The following POLQ variants were observed in gnomAD, a reference collection of about 807,000 sequenced individuals.
POLQ encodes epididymis secretory sperm binding protein.
Under a neutral mutation model 259.2 loss-of-function variants are expected in POLQ, and 233 were observed. That is an observed-to-expected ratio of 0.90 (90% CI 0.81 to 1.00). The LOEUF is 1.00. Among genes scored for constraint, POLQ ranks in the 50% least tolerant of loss-of-function variants. The pLI, the probability that POLQ is intolerant of heterozygous loss-of-function variation, is 0.00. For missense variants in POLQ, 2,871 were observed against 3,051.6 expected (o/e 0.94, Z 1.39); for synonymous variants, 1,025 against 1,048.8 (o/e 0.98, Z 0.44).
intron 7 of POLQ, among the ~76,000 whole-genome samples, chr3:121,523,917 T>C (rs1322046770): frequency 3.9e-5 from 6 of 152,126 alleles, no homozygotes; most frequent in Admixed American, 3.9e-4. Context: ...CTGAGGGCAA[T>C]TAATTTTTTA....
chr3:121,475,843 T>C (rs2047920806), intron 20 of POLQ, among the ~76,000 whole-genome samples: 1 of 152,196 alleles, frequency 6.6e-6, no homozygotes, highest in South Asian at 2.1e-4. Context: ...CCAAACCTAC[T>C]TGTGCTGAAA....
chr3:121,487,844 G>GA lies in POLQ; in HGVS notation c.5086dup (p.Ser1696PhefsTer3), dbSNP rs762946766. Reference sequence around the variant, plus strand: ...CTTGCTTTTTACTTCATTATTAGAAGAAAATGAAATTCCCTGCACTTGTTT... The same window carrying GA: ...CTTGCTTTTTACTTCATTATTAGAAGAAAAATGAAATTCCCTGCACTTGTTT... On this transcript the variant is annotated frameshift_variant, in exon 16 of 30. Transcript: ENST00000264233. LOFTEE classifies it high-confidence loss of function. The GA allele has an allele frequency of 2.5e-6, 4 of 1,610,068 alleles. No homozygotes were observed. The highest frequency in any genetic ancestry group is 3.4e-6 in the Non-Finnish European group (4 of 1,178,756).
intron 25 of POLQ, among the ~76,000 whole-genome samples, chr3:121,450,822 T>C (rs553014523): frequency 1.3e-5 from 2 of 152,156 alleles, no homozygotes; most frequent in Non-Finnish European, 2.9e-5. Context: ...TTTCCTGAAT[T>C]TGAATGTTGG....
chr3:121,452,200 C>T (rs576617340), intron 25 of POLQ, among the ~76,000 whole-genome samples: 4 of 152,286 alleles, frequency 2.6e-5, no homozygotes, highest in Non-Finnish European at 4.4e-5. Flanking sequence ...CTTCCCTTGG[C>T]TAGGAAAGGG....
chr3:121,521,076 T>C (rs780071802), intron 8 of POLQ, among the ~76,000 whole-genome samples: 12 of 152,210 alleles, frequency 7.9e-5, no homozygotes, highest in Non-Finnish European at 1.6e-4. Flanking sequence ...ATTCTGTGTG[T>C]GTGTATATAG....
chr3:121,518,517 G>A (rs1378582902), intron 9 of POLQ, among the ~76,000 whole-genome samples: 1 of 152,076 alleles, frequency 6.6e-6, no homozygotes, highest in African/African-American at 2.4e-5. Context: ...AAGCCCCAGA[G>A]GTATTATTTC....
In POLQ at chr3:121,488,178, C is replaced by T. The variant is rs2108797733; in HGVS notation, c.4753G>A (p.Val1585Ile). 3 of 1,613,532 alleles carry T rather than the reference C, an allele frequency of 1.9e-6. No individual in the cohort carries two copies. The highest frequency in any genetic ancestry group is 1.3e-5 in the African/African-American group (1 of 75,058). ...AGTTCTAATGCTCTAGGAGATACTA[C>T]AGTATGATTCTTCTCTTGGACAGGA... ...IFPVQEKNHT[V>I]VSPRALELSD... Residue 1585 changes from valine to isoleucine, a missense_variant, in exon 16 of 30, where the codon GTA (valine) becomes ATA (isoleucine). Val to Ile is a conservative substitution (Grantham distance 29). Coordinates refer to ENST00000264233, the MANE Select transcript of POLQ (RefSeq NM_199420.4).
chr3:121,535,919 C>T (rs2048447047), intron 5 of POLQ, among the ~76,000 whole-genome samples: 4 of 151,858 alleles, frequency 2.6e-5, no homozygotes, highest in Non-Finnish European at 5.9e-5. Flanking sequence ...CTATATAGCA[C>T]ATATATAGAT....
At chr3:121,513,970 C>T (rs1215101782) in intron 9 of POLQ, among the ~76,000 whole-genome samples, 5 of 133,950 alleles carry the variant, frequency 3.7e-5, no homozygotes, top group South Asian at 2.4e-4. Context: ...TGCAGTGAGC[C>T]GAGATTGTGC....
chr3:121,489,918 G>C lies in POLQ; in HGVS notation c.3013C>G (p.Gln1005Glu), dbSNP rs1218461341. Residue 1005 changes from glutamine to glutamate, a missense_variant, in exon 16 of 30, where the codon CAG (glutamine) becomes GAG (glutamate). Transcript: ENST00000264233. ...TTATCACTTGTTTTCCCCTCATTCT[G>C]AGAGGCTCCTGGCTTCTCTTTATTT... ...DINKEKPGAS[Q>E]NEGKTSDKKV... 1.3e-6 allele frequency: 2 copies of C among 1,588,716 alleles called. No individual in the cohort carries two copies. The highest frequency in any genetic ancestry group is 1.7e-6 in the Non-Finnish European group (2 of 1,173,384).
At position 121,435,566 on chromosome 3, in the gene POLQ, CAA is replaced by C. The variant is rs2047536852; in HGVS notation, c.7543+554_7543+555del. On this transcript the variant is annotated intron_variant, in intron 28 of 29. Coordinates refer to ENST00000264233, the MANE Select transcript of POLQ (RefSeq NM_199420.4). ...GTTTTATTTTCTTGTAAGAGTGCAG[CAA>C]AGTGGCCAACTGTCCTGGTATAGAA... 1.3e-5 allele frequency among the ~76,000 whole-genome samples: 2 copies of C among 152,144 alleles called. 1 individual carries two copies. The highest frequency in any genetic ancestry group is 1.3e-4 in the Admixed American group (2 of 15,280).
At chr3:121,491,410 C>T (rs1039008323) in intron 15 of POLQ, among the ~76,000 whole-genome samples, 44 of 135,242 alleles carry the variant, frequency 3.3e-4, no homozygotes, top group African/African-American at 1.2e-3. Flanking sequence ...CTGTACAATA[C>T]ACAATATAAA....
At chr3:121,519,682 A>G (rs1423395321) in intron 9 of POLQ, among the ~76,000 whole-genome samples, 189 bp downstream of exon 9, 1 of 151,004 alleles carries the variant, frequency 6.6e-6, no homozygotes, top group Non-Finnish European at 1.5e-5. Flanking sequence ...TCTCAAAAAA[A>G]AAAAAAAAAA....
intron 2 of POLQ, among the ~76,000 whole-genome samples, chr3:121,542,915 A>G (rs2048500776): frequency 6.6e-6 from 1 of 151,988 alleles, no homozygotes; most frequent in African/African-American, 2.4e-5. Flanking sequence ...TGAACCCGGG[A>G]GGCAGAGGTT....
Position 121,489,578 on chromosome 3 carries a change from A to G in POLQ, c.3353T>C (p.Ile1118Thr), listed in dbSNP as rs769074503. Residue 1118 changes from isoleucine to threonine, a missense_variant, in exon 16 of 30, where the codon ATA (isoleucine) becomes ACA (threonine). Transcript: ENST00000264233. ...KDNKTSFPLQ[I>T]KQNCSWNITL... ...TATGTTCCATGAACAATTTTGCTTT[A>G]TTTGTAATGGGAATGATGTTTTATT... The G allele has an allele frequency of 6.2e-7, 1 of 1,612,938 alleles. No individual in the cohort carries two copies. Among genetic ancestry groups the G allele is most frequent in the Non-Finnish European group, 8.5e-7 (1 of 1,179,600 alleles).
chr3:121,509,416 C>T, intron 12 of POLQ, 145 bp downstream of exon 12: 1 of 506,350 alleles, frequency 2.0e-6, no homozygotes, highest in South Asian at 4.7e-5. Context: ...CAATTATCTT[C>T]TTACCTCTTC....
Position 121,513,600 on chromosome 3 carries a change from C to CA in POLQ, c.1469-1572dup, listed in dbSNP as rs59962408. On this transcript the variant is annotated intron_variant, in intron 9 of 29. Coordinates refer to ENST00000264233, the MANE Select transcript of POLQ (RefSeq NM_199420.4). ...CTGGCAACAGAGAGAGACTCTATCTCAAAAAAAAAAAAAAAAAAAAAAAAA... is the reference window on the plus strand; with the variant it reads ...CTGGCAACAGAGAGAGACTCTATCTCAAAAAAAAAAAAAAAAAAAAAAAAAA... Among the ~76,000 whole-genome samples, 421 of 51,540 alleles carry CA rather than the reference C, an allele frequency of 8.2e-3. 14 individuals are homozygous for CA. Among genetic ancestry groups the CA allele is most frequent in the African/African-American group, 0.025 (293 of 11,636 alleles). The allele number at this position is 51,540 out of a possible 152,430, so 33.8% of individuals were successfully genotyped here.
In POLQ at chr3:121,454,739, C is replaced by T. The variant is rs906404148; in HGVS notation, c.7152+5311G>A. On this transcript the variant is annotated intron_variant, in intron 25 of 29. Transcript: ENST00000264233. ...AGCACCCAGATTCATAAAGCAAGTC[C>T]TGAGTGACCTTCAAGAGACTTAGAC... is the stretch of plus-strand genomic sequence containing the variant. Among the ~76,000 whole-genome samples the T allele has an allele frequency of 4.6e-5, 7 of 152,138 alleles. No homozygotes were observed. The East Asian group carries it at 1.3e-3, about 29-fold the overall frequency.
intron 25 of POLQ, among the ~76,000 whole-genome samples, chr3:121,453,412 G>A (rs923524007): frequency 3.3e-5 from 5 of 152,228 alleles, no homozygotes; most frequent in African/African-American, 1.2e-4. Flanking sequence ...CGAGTTGAGA[G>A]AAGAAGGCTT....
Sources: allele counts gnomAD v4.1 joint callset (sites outside exome capture counted in the v4.1 genomes callset), GRCh38; gene constraint gnomAD v4.1.1; transcripts MANE v1.5; gene names NCBI Gene and HGNC (gene_info 2026-07-23, HGNC 2026-07-21).